The following SLC4A4 variants were observed in gnomAD, a reference collection of about 807,000 sequenced individuals.
SLC4A4 encodes electrogenic sodium bicarbonate cotransporter 1.
In SLC4A4, 27 loss-of-function variants were observed where a neutral mutation model predicts 111.5. The ratio of observed to expected loss-of-function variants is 0.24; its 90% CI spans 0.18 to 0.33. The LOEUF is 0.33. SLC4A4 is among the 10% of genes least tolerant of loss of function. SLC4A4 has a pLI of 1.00. For synonymous variants in SLC4A4, 443 were observed against 463.4 expected, an observed-to-expected ratio of 0.96 and a Z score of 0.57; for missense variants, 909 against 1,315.5, an observed-to-expected ratio of 0.69 and a Z score of 4.78.
intron 12 of SLC4A4, among the ~76,000 whole-genome samples, chr4:71,463,280 T>C (rs1283201772): frequency 6.6e-6 from 1 of 152,166 alleles, no homozygotes; most frequent in Admixed American, 6.5e-5. Context: ...AATACACATA[T>C]CCACACATTG....
At chr4:71,534,552 A>AAT (rs1172956427) in intron 18 of SLC4A4, among the ~76,000 whole-genome samples, 164 bp downstream of exon 18, 14 of 151,940 alleles carry the variant, frequency 9.2e-5, no homozygotes, top group Admixed American at 2.0e-4. Flanking sequence ...ACATGTCTTC[A>AAT]ATATAACACT....
At chr4:71,294,466 G>T (rs1452877994) in intron 3 of SLC4A4, among the ~76,000 whole-genome samples, 1 of 152,218 alleles carries the variant, frequency 6.6e-6, no homozygotes, top group Non-Finnish European at 1.5e-5. Flanking sequence ...TCTACAACTG[G>T]CCCTGAAAGA....
At chr4:71,177,814 C>G (rs1745147692) in intron 2 of SLC4A4, among the ~76,000 whole-genome samples, 1 of 152,190 alleles carries the variant, frequency 6.6e-6, no homozygotes, top group Non-Finnish European at 1.5e-5. Flanking sequence ...GAACTCAGCT[C>G]TGCACCAAGC....
chr4:71,196,762 A>C lies in SLC4A4; in HGVS notation c.-2+9361A>C, dbSNP rs562120542. 1.2e-3 allele frequency among the ~76,000 whole-genome samples: 164 copies of C among 139,272 alleles called. 1 individual carries two copies. The highest frequency in any genetic ancestry group is 3.7e-3 in the Middle Eastern group (1 of 270). 91.4% of individuals were successfully genotyped at this position (139,272 alleles called of 152,430 possible). A position where few individuals can be genotyped will look rare whatever the true frequency, so the allele number is the denominator to read the frequency against. ...GGCAGGAGAATCGCTGGAACCTGGG[A>C]GGCAGAGGCTGCAGTGAGCCGAGAT... On this transcript the variant is annotated intron_variant, in intron 1 of 25. Transcript: ENST00000264485.
At chr4:71,302,100 C>T (rs1434842802) in intron 3 of SLC4A4, among the ~76,000 whole-genome samples, 1 of 152,048 alleles carries the variant, frequency 6.6e-6, no homozygotes, top group Non-Finnish European at 1.5e-5. Flanking sequence ...GGAGGGGTTA[C>T]ATATATGAGT....
chr4:71,133,982 C>G (rs796996941), intron 2 of SLC4A4, among the ~76,000 whole-genome samples: 1 of 152,276 alleles, frequency 6.6e-6, no homozygotes, highest in African/African-American at 2.4e-5. Flanking sequence ...CTTTACTATG[C>G]TCCTGGCTTG....
chr4:71,157,955 T>A lies in SLC4A4; in HGVS notation c.-2+65163T>A, dbSNP rs573584252. Among the ~76,000 whole-genome samples, 116 of 152,224 alleles carry A rather than the reference T, an allele frequency of 7.6e-4. No individual in the cohort carries two copies. The South Asian group carries it at 0.013, about 17-fold the overall frequency. On this transcript the variant is annotated intron_variant, in intron 2 of 26. Coordinates refer to the SLC4A4 transcript ENST00000649996. Reference sequence around the variant, plus strand: ...ATTTTCAGTTAAAATTTCCAGACTATCAAATGATGAAAAATGAATTTCATG... The same window carrying A: ...ATTTTCAGTTAAAATTTCCAGACTAACAAATGATGAAAAATGAATTTCATG...
intron 3 of SLC4A4, among the ~76,000 whole-genome samples, chr4:71,312,881 C>G (rs1007104796): frequency 6.6e-6 from 1 of 152,174 alleles, no homozygotes; most frequent in African/African-American, 2.4e-5. Flanking sequence ...GATGCCCTCT[C>G]TCACCACTCC....
At chr4:71,235,170 C>T (rs1719716061) in intron 1 of SLC4A4, among the ~76,000 whole-genome samples, 1 of 152,168 alleles carries the variant, frequency 6.6e-6, no homozygotes, top group South Asian at 2.1e-4. Flanking sequence ...AAGCTAAAAA[C>T]TTTGCTCCAG....
At chr4:71,278,660 T>G (rs1383525163) in intron 3 of SLC4A4, among the ~76,000 whole-genome samples, 1 of 152,234 alleles carries the variant, frequency 6.6e-6, no homozygotes, top group Non-Finnish European at 1.5e-5. Context: ...GATGTCTTAT[T>G]GTGGTTTTAA....
At chr4:71,346,133 A>C (rs1199060621) in intron 4 of SLC4A4, among the ~76,000 whole-genome samples, 1 of 152,038 alleles carries the variant, frequency 6.6e-6, no homozygotes, top group East Asian at 1.9e-4. Context: ...TGCAAAATTC[A>C]GTGATTCCCA....
At chr4:71,292,833 GTTTTTTTTGTTTTT>G (rs1444043265) in intron 3 of SLC4A4, among the ~76,000 whole-genome samples, 1 of 133,386 alleles carries the variant, frequency 7.5e-6, no homozygotes, top group African/African-American at 3.0e-5. Flanking sequence ...CTTACTTTTG[GTTTTTTTTGTTTTT>G]TTTTTTTTTT....
At chr4:71,550,260 T>C (rs1578168711) in intron 20 of SLC4A4, among the ~76,000 whole-genome samples, 1 of 152,014 alleles carries the variant, frequency 6.6e-6, no homozygotes, top group East Asian at 1.9e-4. Context: ...CAGTTGTGAT[T>C]CTTTACTTCA....
intron 2 of SLC4A4, among the ~76,000 whole-genome samples, chr4:71,151,997 C>T (rs1452339438): frequency 1.3e-5 from 2 of 151,806 alleles, no homozygotes; most frequent in East Asian, 1.9e-4. Context: ...GTACTCCAAC[C>T]TGGGTGACAG....
At chr4:71,215,261 C>T (rs907001216) in intron 1 of SLC4A4, among the ~76,000 whole-genome samples, 9 of 152,150 alleles carry the variant, frequency 5.9e-5, no homozygotes, top group South Asian at 2.1e-4. Flanking sequence ...TTTATTAATT[C>T]GCTCCTGACT....
At chr4:71,337,794 A>G (rs1728551285) in intron 3 of SLC4A4, among the ~76,000 whole-genome samples, 1 of 129,664 alleles carries the variant, frequency 7.7e-6, no homozygotes, top group Non-Finnish European at 1.8e-5. Context: ...CGTTGGGATT[A>G]TCATTTTTTT....
At chr4:71,079,101 GA>G (rs981188818) in intron 1 of SLC4A4, among the ~76,000 whole-genome samples, 1 of 152,098 alleles carries the variant, frequency 6.6e-6, no homozygotes, top group Non-Finnish European at 1.5e-5. Flanking sequence ...TTACAGGCGT[GA>G]ACCACCACAC....
At chr4:71,084,484 A>G (rs556519621) in intron 1 of SLC4A4, among the ~76,000 whole-genome samples, 1 of 152,070 alleles carries the variant, frequency 6.6e-6, no homozygotes, top group South Asian at 2.1e-4. Flanking sequence ...TACATGTGCC[A>G]TGTTGGTGTG....
At chr4:71,192,488 G>A (rs2148995636) in intron 1 of SLC4A4, among the ~76,000 whole-genome samples, 1 of 152,238 alleles carries the variant, frequency 6.6e-6, no homozygotes, top group African/African-American at 2.4e-5. Context: ...GGCTTTATTG[G>A]CAAATACATA....
Sources: allele counts gnomAD v4.1 joint callset (sites outside exome capture counted in the v4.1 genomes callset), GRCh38; gene constraint gnomAD v4.1.1; transcripts MANE v1.5; gene names NCBI Gene and HGNC (gene_info 2026-07-23, HGNC 2026-07-21).